Variants in SCHIP1 observed in about 807,000 individuals in gnomAD.
SCHIP1 encodes the protein schwannomin interacting protein 1.
A neutral mutation model predicts 29.7 loss-of-function variants in SCHIP1; 8 were observed. The ratio of observed to expected loss-of-function variants is 0.27; its 90% confidence interval spans 0.16 to 0.49. The LOEUF is 0.49. SCHIP1 is among the 20% of genes least tolerant of loss of function. The pLI is 0.99. For synonymous variants in SCHIP1, 76 were observed against 94.9 expected, an observed-to-expected ratio of 0.80 and a Z score of 1.16; for missense variants, 193 against 294.6, an observed-to-expected ratio of 0.66 and a Z score of 2.52.
chr3:159,587,143 G>A, the SCHIP1 span, among the ~76,000 whole-genome samples: 6 of 152,152 alleles, frequency 3.9e-5, no homozygotes, highest in Non-Finnish European at 8.8e-5. Context: ...TAGACAGTCT[G>A]ATTCATTAAC....
chr3:159,478,200 G>A, the SCHIP1 span, among the ~76,000 whole-genome samples: 1 of 152,058 alleles, frequency 6.6e-6, no homozygotes, highest in South Asian at 2.1e-4. Flanking sequence ...TGGGATTACA[G>A]GCATGAGCCA....
the SCHIP1 span, among the ~76,000 whole-genome samples, chr3:159,422,476 G>T: frequency 6.6e-6 from 1 of 152,078 alleles, no homozygotes; most frequent in Non-Finnish European, 1.5e-5. Context: ...ATTGACATTT[G>T]TTGTTTAAAA....
the SCHIP1 span, among the ~76,000 whole-genome samples, chr3:159,584,591 C>T: frequency 1.3e-5 from 2 of 152,096 alleles, 1 homozygote; most frequent in Non-Finnish European, 2.9e-5. Flanking sequence ...AACTGAAGTC[C>T]AGGACAGACT....
chr3:159,626,161 TCTAG>T, the SCHIP1 span, among the ~76,000 whole-genome samples: 131 of 110,056 alleles, frequency 1.2e-3, 3 homozygotes, highest in African/African-American at 7.2e-3. Flanking sequence ...TATATATATA[TCTAG>T]ATATATCTAT....
At chr3:159,553,967 C>CGTGTGTGTGTGTGTGTGTGTGTGT in the SCHIP1 span, among the ~76,000 whole-genome samples, 30 of 115,800 alleles carry the variant, frequency 2.6e-4, no homozygotes, top group South Asian at 1.0e-3. Flanking sequence ...CGCCCAGCTA[C>CGTGTGTGTGTGTGTGTGTGTGTGT]GTGTGTGTGT....
At chr3:159,764,716 C>A in the SCHIP1 span, 4 of 1,575,318 alleles carry the variant, frequency 2.5e-6, no homozygotes, top group South Asian at 2.3e-5. This position sits in a 1 kb window ranked among gnomAD's most constrained non-coding sequence, Gnocchi z 6.1. Context: ...GCGAGGGTAC[C>A]GGGATGACCG....
At chr3:159,476,045 G>A in the SCHIP1 span, among the ~76,000 whole-genome samples, 3 of 152,188 alleles carry the variant, frequency 2.0e-5, no homozygotes, top group Non-Finnish European at 4.4e-5. Context: ...TGGTTAGGAT[G>A]TAGAAGCCTC....
the SCHIP1 span, among the ~76,000 whole-genome samples, chr3:159,615,112 G>T: frequency 6.6e-6 from 1 of 152,210 alleles, no homozygotes; most frequent in East Asian, 1.9e-4. Flanking sequence ...AAGGCAGCCA[G>T]CCCAAGAACG....
chr3:159,416,678 G>T, the SCHIP1 span, among the ~76,000 whole-genome samples: 3 of 152,126 alleles, frequency 2.0e-5, no homozygotes, highest in Non-Finnish European at 2.9e-5. Context: ...AATTTGGATT[G>T]ATTTCTACAT....
At chr3:159,516,071 C>T in the SCHIP1 span, among the ~76,000 whole-genome samples, 2 of 151,750 alleles carry the variant, frequency 1.3e-5, no homozygotes, top group Non-Finnish European at 2.9e-5. Flanking sequence ...CCTTTGGTGA[C>T]TCCTCTTCTC....
chr3:159,510,586 C>CT, the SCHIP1 span, among the ~76,000 whole-genome samples: 31 of 152,200 alleles, frequency 2.0e-4, 1 homozygote, highest in East Asian at 1.2e-3. Flanking sequence ...GTTTTTTCCC[C>CT]ATCTTTGTGG....
chr3:159,591,585 G>A, the SCHIP1 span, among the ~76,000 whole-genome samples: 1 of 152,156 alleles, frequency 6.6e-6, no homozygotes. Flanking sequence ...ATACTATGCA[G>A]CCATAAAAAA....
chr3:159,603,137 C>T, the SCHIP1 span, among the ~76,000 whole-genome samples: 1 of 152,148 alleles, frequency 6.6e-6, no homozygotes, highest in South Asian at 2.1e-4. Flanking sequence ...GAAACACTTA[C>T]ACTTATCCAT....
At chr3:159,839,939 T>A (rs1205624180) in exon 1 of SCHIP1, 4 of 1,408,094 alleles carry the variant, frequency 2.8e-6, no homozygotes, top group Non-Finnish European at 2.8e-6. Flanking sequence ...CCCAGCTCCA[T>A]GTTCCTAAGC....
chr3:159,277,897 G>A, the SCHIP1 span, among the ~76,000 whole-genome samples: 4 of 151,002 alleles, frequency 2.6e-5, no homozygotes, highest in African/African-American at 4.9e-5. Context: ...CCTGGACAAC[G>A]AGCAAAACTC....
chr3:159,699,590 G>A, the SCHIP1 span, among the ~76,000 whole-genome samples: 1 of 152,226 alleles, frequency 6.6e-6, no homozygotes, highest in South Asian at 2.1e-4. Context: ...GCTGTGGGAA[G>A]TATCACATCC....
At chr3:159,304,130 G>A in the SCHIP1 span, among the ~76,000 whole-genome samples, 1 of 150,802 alleles carries the variant, frequency 6.6e-6, no homozygotes, top group Non-Finnish European at 1.5e-5. Context: ...TTTTGTTCTT[G>A]CGATAGTTTA....
chr3:159,643,447 C>A, the SCHIP1 span, among the ~76,000 whole-genome samples: 1 of 152,004 alleles, frequency 6.6e-6, no homozygotes, highest in East Asian at 1.9e-4. Context: ...ACAACAGGAG[C>A]CATTACTGTC....
At chr3:159,708,011 C>T in the SCHIP1 span, among the ~76,000 whole-genome samples, 1 of 152,150 alleles carries the variant, frequency 6.6e-6, no homozygotes, top group Admixed American at 6.5e-5. Flanking sequence ...TTCTTCCTCC[C>T]TCTCTTCAAA....
Sources: gnomAD v4.1 joint callset for allele counts (sites outside exome capture counted in the v4.1 genomes callset) on GRCh38, gnomAD v4.1.1 for gene constraint, Gnocchi (gnomAD v3.1) non-coding constraint, MANE v1.5 for transcripts, NCBI Gene and HGNC (gene_info 2026-07-23, HGNC 2026-07-21) for gene names.